Variants in ABTB3 observed in about 807,000 individuals in gnomAD.
ABTB3 encodes the protein ankyrin repeat- and BTB/POZ domain-containing protein 3.
At chr12:107,404,991 G>C in the ABTB3 span, among the ~76,000 whole-genome samples, 1 of 152,204 alleles carries the variant, frequency 6.6e-6, no homozygotes, top group Non-Finnish European at 1.5e-5. Context: ...GCCTCACATC[G>C]GTGTGAGGTG....
At chr12:107,423,854 C>T in the ABTB3 span, among the ~76,000 whole-genome samples, 12 of 152,330 alleles carry the variant, frequency 7.9e-5, no homozygotes, top group East Asian at 7.7e-4. Context: ...GTAACAGTTC[C>T]TCCACTACCT....
At chr12:107,603,814 G>T in the ABTB3 span, among the ~76,000 whole-genome samples, 1 of 152,198 alleles carries the variant, frequency 6.6e-6, no homozygotes, top group Non-Finnish European at 1.5e-5. Flanking sequence ...CTGATATGGG[G>T]TTAATATCCA....
At chr12:107,477,393 C>T in the ABTB3 span, among the ~76,000 whole-genome samples, 16 of 152,136 alleles carry the variant, frequency 1.1e-4, no homozygotes, top group African/African-American at 1.7e-4. Flanking sequence ...CACGTGGGTT[C>T]GCAGGCATTG....
At chr12:107,508,438 CTTTTTTTTTTTTTTTTTT>C in the ABTB3 span, among the ~76,000 whole-genome samples, 4 of 69,166 alleles carry the variant, frequency 5.8e-5, no homozygotes, top group African/African-American at 1.1e-4. Flanking sequence ...AAGATCATTT[CTTTTTTTTTTTTTTTTTT>C]TTTTTTTTTT....
At chr12:107,397,896 C>T in the ABTB3 span, among the ~76,000 whole-genome samples, 17 of 152,176 alleles carry the variant, frequency 1.1e-4, no homozygotes, top group African/African-American at 3.4e-4. Context: ...ACGGCACCTC[C>T]GTTCTGTGCT....
chr12:107,585,606 C>T, the ABTB3 span, among the ~76,000 whole-genome samples: 1 of 152,200 alleles, frequency 6.6e-6, no homozygotes, highest in Non-Finnish European at 1.5e-5. Flanking sequence ...TAACGAATTG[C>T]ACCACTCTAT....
the ABTB3 span, among the ~76,000 whole-genome samples, chr12:107,620,593 G>A: frequency 1.3e-5 from 2 of 152,122 alleles, no homozygotes; most frequent in East Asian, 1.9e-4. Context: ...GGGGATGGAC[G>A]ATAGGAATCG....
chr12:107,634,003 A>G, the ABTB3 span, among the ~76,000 whole-genome samples: 2 of 152,326 alleles, frequency 1.3e-5, no homozygotes, highest in Non-Finnish European at 2.9e-5. Flanking sequence ...AAGTGAGGGG[A>G]GCACCGAATG....
At chr12:107,570,577 G>A in the ABTB3 span, among the ~76,000 whole-genome samples, 8 of 151,866 alleles carry the variant, frequency 5.3e-5, no homozygotes, top group African/African-American at 1.9e-4. Flanking sequence ...TCTTAGAAGG[G>A]TTTTTGTCAG....
the ABTB3 span, chr12:107,635,448 C>A: frequency 1.3e-6 from 2 of 1,503,162 alleles, no homozygotes; most frequent in South Asian, 2.3e-5. Flanking sequence ...GGACGAGGAG[C>A]CAAAGAATGC....
At chr12:107,501,438 A>G in the ABTB3 span, among the ~76,000 whole-genome samples, 3 of 151,770 alleles carry the variant, frequency 2.0e-5, no homozygotes, top group Non-Finnish European at 2.9e-5. Context: ...GGTGGCTCAC[A>G]TTTGTAATCC....
At chr12:107,559,524 A>G in the ABTB3 span, among the ~76,000 whole-genome samples, 2 of 152,220 alleles carry the variant, frequency 1.3e-5, no homozygotes, top group African/African-American at 4.8e-5. Context: ...GTCTGAGCTC[A>G]TCCCACTTTT....
the ABTB3 span, among the ~76,000 whole-genome samples, chr12:107,340,076 C>T: frequency 2.6e-4 from 39 of 150,680 alleles, no homozygotes; most frequent in Admixed American, 3.9e-4. Flanking sequence ...TTTTTTTGCC[C>T]CCCAACGAAA....
the ABTB3 span, among the ~76,000 whole-genome samples, chr12:107,324,638 C>G: frequency 6.6e-6 from 1 of 151,914 alleles, no homozygotes; most frequent in African/African-American, 2.4e-5. Context: ...ATTTGTCAAA[C>G]GGGGTTTCAC....
chr12:107,439,025 A>G, the ABTB3 span, among the ~76,000 whole-genome samples: 1 of 152,090 alleles, frequency 6.6e-6, no homozygotes, highest in African/African-American at 2.4e-5. Context: ...TTATTTTATT[A>G]TTCTGGTTGT....
chr12:107,426,456 G>T, the ABTB3 span, among the ~76,000 whole-genome samples: 1 of 152,148 alleles, frequency 6.6e-6, no homozygotes. Context: ...GGCTGCTGTG[G>T]CAGGGTCACG....
chr12:107,622,197 C>T, the ABTB3 span, among the ~76,000 whole-genome samples: 14 of 152,184 alleles, frequency 9.2e-5, no homozygotes, highest in African/African-American at 3.1e-4. Context: ...TGGCTTTACA[C>T]ATCACATGCA....
At chr12:107,428,353 A>G in the ABTB3 span, among the ~76,000 whole-genome samples, 70 of 152,210 alleles carry the variant, frequency 4.6e-4, 1 homozygote, top group Admixed American at 3.1e-3. Context: ...CATCCCCTGT[A>G]TCTTTCTGCC....
At chr12:107,379,726 C>T in the ABTB3 span, among the ~76,000 whole-genome samples, 7 of 152,192 alleles carry the variant, frequency 4.6e-5, no homozygotes, top group African/African-American at 1.7e-4. Flanking sequence ...AAGCCTAGTG[C>T]TGGGACAGTT....
Sources: gnomAD v4.1 joint callset for allele counts (sites outside exome capture counted in the v4.1 genomes callset) on GRCh38, gnomAD v4.1.1 for gene constraint, MANE v1.5 for transcripts, NCBI Gene and HGNC (gene_info 2026-07-23, HGNC 2026-07-21) for gene names.